The following VPS37C variants were observed in gnomAD, a reference collection of about 807,000 sequenced individuals.
The protein encoded by VPS37C is VPS37C subunit of ESCRT-I, also known as vacuolar protein sorting-associated protein 37C.
Under a neutral mutation model 16.1 loss-of-function variants are expected in VPS37C, and 9 were observed. The ratio of observed to expected loss-of-function variants is 0.56; its 90% CI spans 0.34 to 0.97. The LOEUF (loss-of-function observed/expected upper bound fraction) is 0.97, where lower values mean the gene tolerates loss of function less well. Among genes scored for constraint, VPS37C ranks in the 50% least tolerant of loss-of-function variants. The probability of loss-of-function intolerance (pLI) is 0.02; values close to 1 mark genes in which losing one functional copy is unlikely to be tolerated. For synonymous variants in VPS37C, 207 were observed against 206.4 expected (o/e 1.00, Z -0.02); for missense variants, 479 against 472.7 (o/e 1.01, Z -0.12).
rs7116493 is a variant in VPS37C, at chr11:61,130,413, G to A, written c.*1407C>T. 0.051 allele frequency: 8,358 copies of A among 162,892 alleles called. 766 individuals carry two copies. The highest frequency in any genetic ancestry group is 0.19 in the African/African-American group (7,821 of 41,604). The allele number at this position is 162,892 out of a possible 1,614,324, so 10.1% of individuals were successfully genotyped here. ...GCACATTTGGTAAAGAACCGGCAGC[G>A]CTGACCTAGCGTCACGCGGATGGCA... On this transcript the variant is annotated 3_prime_UTR_variant, in exon 5 of 5. Transcript: ENST00000301765.
At chr11:61,136,962 T>C (rs751902418) in intron 2 of VPS37C, among the ~76,000 whole-genome samples, 15 of 152,162 alleles carry the variant, frequency 9.9e-5, no homozygotes, top group Non-Finnish European at 4.4e-5. Context: ...TGAGCCATGA[T>C]GGCGCCATTG....
intron 1 of VPS37C, among the ~76,000 whole-genome samples, chr11:61,141,376 A>G (rs1482595398): frequency 6.6e-6 from 1 of 152,066 alleles, no homozygotes; most frequent in East Asian, 1.9e-4. Flanking sequence ...TCAAAAAAAA[A>G]AAAAGAAAAG....
rs780263100 is a variant in VPS37C at position 61,140,744 on chromosome 11, G to A, written c.-6-1909C>T. Among the ~76,000 whole-genome samples, 69 of 152,352 alleles carry A rather than the reference G, an allele frequency of 4.5e-4. 1 individual carries two copies. The highest frequency in any genetic ancestry group is 7.5e-4 in the Non-Finnish European group (51 of 68,042). On this transcript the variant is annotated intron_variant, in intron 1 of 4. Coordinates refer to ENST00000301765, the MANE Select transcript of VPS37C (RefSeq NM_017966.5). ...CCCCTGGTTTCTGAGTACATGCAAC[G>A]TCAGTTTTCCCTGAGCTGTTCTCCC...
chr11:61,146,281 A>G (rs1853205565), intron 1 of VPS37C, among the ~76,000 whole-genome samples: 1 of 152,280 alleles, frequency 6.6e-6, no homozygotes, highest in Non-Finnish European at 1.5e-5. Flanking sequence ...AAATGGGGGC[A>G]GCAGGATGTG....
intron 1 of VPS37C, among the ~76,000 whole-genome samples, chr11:61,156,762 A>C (rs1213863269): frequency 1.3e-5 from 2 of 152,216 alleles, no homozygotes; most frequent in African/African-American, 2.4e-5. Flanking sequence ...CATTTTAATC[A>C]TTTTTAAGTA....
At position 61,159,713 on chromosome 11, in the gene VPS37C, C is replaced by CA. The variant is rs1194981181; in HGVS notation, c.-7+1677dup. 9.5e-3 allele frequency among the ~76,000 whole-genome samples: 763 copies of CA among 80,058 alleles called. 5 individuals carry two copies. Among genetic ancestry groups the CA allele is most frequent in the Non-Finnish European group, 0.015 (591 of 40,494 alleles). The allele number at this position is 80,058 out of a possible 152,430, so 52.5% of individuals were successfully genotyped here. A position where few individuals can be genotyped will look rare whatever the true frequency, so the allele number is the denominator to read the frequency against. Reference sequence around the variant, plus strand: ...TGGGCGACAGAGCGAGACTCCGTCTCAAAAAAAAATAAATAAATAAATAAA... The same window carrying CA: ...TGGGCGACAGAGCGAGACTCCGTCTCAAAAAAAAAATAAATAAATAAATAAA... On this transcript the variant is annotated intron_variant, in intron 1 of 4. Transcript: ENST00000301765.
At chr11:61,148,552 T>C (rs1425812776) in intron 1 of VPS37C, among the ~76,000 whole-genome samples, 2 of 148,794 alleles carry the variant, frequency 1.3e-5, no homozygotes, top group East Asian at 4.0e-4. Context: ...CCAGACTCTT[T>C]TGTTTCCTGA....
intron 3 of VPS37C, among the ~76,000 whole-genome samples, chr11:61,133,593 G>C (rs1861311596): frequency 6.6e-6 from 1 of 152,144 alleles, no homozygotes; most frequent in Non-Finnish European, 1.5e-5. Flanking sequence ...TTGGGCTTCA[G>C]AGCCCAACTG....
chr11:61,159,698 A>C (rs901234232), intron 1 of VPS37C, among the ~76,000 whole-genome samples: 4 of 150,000 alleles, frequency 2.7e-5, no homozygotes, highest in Non-Finnish European at 5.9e-5. Context: ...TGGGCGACAG[A>C]GCGAGACTCC....
At chr11:61,133,537 G>C (rs996027972) in intron 3 of VPS37C, among the ~76,000 whole-genome samples, 200 bp from the exon 4 acceptor site, 3 of 152,156 alleles carry the variant, frequency 2.0e-5, no homozygotes, top group Admixed American at 1.3e-4. Flanking sequence ...ACCTAGCCTA[G>C]ACCTTGGCCA....
At chr11:61,138,546 A>G in intron 2 of VPS37C, 191 bp downstream of exon 2, 12 of 585,780 alleles carry the variant, frequency 2.0e-5, no homozygotes, top group South Asian at 2.0e-5. Context: ...TGGACTCCCC[A>G]GCACTCCCAA....
intron 4 of VPS37C, 72 bp downstream of exon 4, chr11:61,133,183 T>C: frequency 6.6e-7 from 1 of 1,516,220 alleles, no homozygotes; most frequent in East Asian, 2.3e-5. Flanking sequence ...CATCTGCTTC[T>C]CCTTCCAAGG....
chr11:61,156,926 T>G (rs986342925), intron 1 of VPS37C, among the ~76,000 whole-genome samples: 2 of 152,192 alleles, frequency 1.3e-5, no homozygotes, highest in Non-Finnish European at 2.9e-5. Flanking sequence ...CAACCACCAT[T>G]CCACTTTCTG....
Position 61,134,132 on chromosome 11 carries a change from G to C in VPS37C, c.169C>G (p.Gln57Glu), listed in dbSNP as rs759502451. Residue 57 changes from glutamine to glutamate, a missense_variant, in exon 3 of 5, where the codon CAG (glutamine) becomes GAG (glutamate). Transcript: ENST00000301765. ...GAGCGGCTGATCTCCAGGGGACCCT[G>C]GAACTCCAAGTTCCGCTCTGCCAGG... ...RSLAERNLEFQGPLEISRSNL... is the reference protein window; with the variant it reads ...RSLAERNLEFEGPLEISRSNL... The C allele has an allele frequency of 1.9e-6, 3 of 1,613,898 alleles. No individual in the cohort carries two copies. The highest frequency in any genetic ancestry group is 2.5e-6 in the Non-Finnish European group (3 of 1,180,014).
chr11:61,132,712 C>T (rs1461568254), intron 4 of VPS37C, 173 bp from the exon 5 acceptor site: 2 of 844,350 alleles, frequency 2.4e-6, no homozygotes, highest in African/African-American at 3.4e-5. Context: ...CATGCACTGT[C>T]TCCCTCACTA....
chr11:61,131,045 G>A lies in VPS37C; in HGVS notation c.*775C>T, dbSNP rs1259819913. The A allele has an allele frequency of 3.4e-6, 1 of 293,008 alleles. No homozygotes were observed. Among genetic ancestry groups the A allele is most frequent in the African/African-American group, 2.4e-5 (1 of 42,496 alleles). 18.2% of individuals were successfully genotyped at this position (293,008 alleles called of 1,614,324 possible). ...GACCTGGCCCTCCAATCCTAAACAA[G>A]CCCCAATGTGACCACAATCTCCAGG... On this transcript the variant is annotated 3_prime_UTR_variant, in exon 5 of 5. Transcript: ENST00000301765.
intron 1 of VPS37C, among the ~76,000 whole-genome samples, chr11:61,147,840 C>T (rs1217916282): frequency 1.3e-5 from 2 of 152,180 alleles, no homozygotes; most frequent in East Asian, 3.9e-4. Context: ...CAACTCTCCC[C>T]CCAGATTGTG....
intron 1 of VPS37C, among the ~76,000 whole-genome samples, chr11:61,150,550 G>A (rs1390305269): frequency 1.0e-5 from 1 of 98,058 alleles, no homozygotes; most frequent in Non-Finnish European, 1.8e-5. Flanking sequence ...TTTTTCAAAG[G>A]AGTTTTGTTT....
intron 3 of VPS37C, 125 bp downstream of exon 3, chr11:61,133,911 G>A (rs890333847): frequency 2.6e-5 from 31 of 1,194,790 alleles, no homozygotes; most frequent in Non-Finnish European, 2.6e-5. Flanking sequence ...AGTAACAACA[G>A]TACCCACCCT....
Sources: gnomAD v4.1 joint callset for allele counts (sites outside exome capture counted in the v4.1 genomes callset) on GRCh38, gnomAD v4.1.1 for gene constraint, MANE v1.5 for transcripts, NCBI Gene and HGNC (gene_info 2026-07-23, HGNC 2026-07-21) for gene names.